The following NRDC variants were observed in gnomAD, a reference collection of about 807,000 sequenced individuals.
NRDC encodes nardilysin convertase.
In NRDC, 54 loss-of-function variants were observed where a neutral mutation model predicts 147.1. The observed-to-expected ratio is 0.37, with a 90% confidence interval of 0.29 to 0.46. The LOEUF is 0.46. Among genes scored for constraint, NRDC ranks in the 20% least tolerant of loss-of-function variants. The pLI is 1.00. For missense variants in NRDC, 1,082 were observed against 1,370.6 expected, an observed-to-expected ratio of 0.79 and a Z score of 3.33; for synonymous variants, 440 against 482.1, an observed-to-expected ratio of 0.91 and a Z score of 1.14.
intron 2 of NRDC, among the ~76,000 whole-genome samples, chr1:51,838,625 T>C (rs1681099320): frequency 6.6e-6 from 1 of 152,014 alleles, no homozygotes; most frequent in African/African-American, 2.4e-5. Flanking sequence ...ATTCTTGTTT[T>C]AAAACTGAGA....
At position 51,803,974 on chromosome 1, in the gene NRDC, A is replaced by G; in HGVS notation, c.2163-10T>C. ...ATCAAAGAGGACCACACTAAGAAGT[A>G]CAAAATGCAAATGGCATCTTTAATT... On this transcript the variant is annotated splice_polypyrimidine_tract_variant and intron_variant, in intron 19 of 30. Coordinates refer to ENST00000352171, the MANE Select transcript of NRDC (RefSeq NM_001101662.2). The G allele has an allele frequency of 6.4e-7, 1 of 1,561,716 alleles. No homozygotes were observed. Among genetic ancestry groups the G allele is most frequent in the Non-Finnish European group, 8.7e-7 (1 of 1,152,926 alleles).
chr1:51,854,803 T>G (rs1022270286), intron 1 of NRDC, among the ~76,000 whole-genome samples: 16 of 152,174 alleles, frequency 1.1e-4, no homozygotes, highest in African/African-American at 3.9e-4. Context: ...CACAAGAATG[T>G]TTGCTTCCCT....
intron 5 of NRDC, 151 bp from the exon 6 acceptor site, chr1:51,825,533 C>T: frequency 1.6e-6 from 1 of 644,670 alleles, no homozygotes; most frequent in Non-Finnish European, 2.7e-6. Context: ...ACTCAATGAT[C>T]CAGGCCTGGC....
At chr1:51,871,571 C>T (rs1683089561) in intron 1 of NRDC, among the ~76,000 whole-genome samples, 1 of 135,514 alleles carries the variant, frequency 7.4e-6, no homozygotes, top group Admixed American at 8.0e-5. Flanking sequence ...TTCCCAACTG[C>T]TCCTTTTCAA....
intron 1 of NRDC, chr1:51,862,248 T>TC (rs35291594): frequency 0.045 from 6,858 of 151,044 alleles, 192 homozygotes; most frequent in Middle Eastern, 0.065. Context: ...TATAGGGCTT[T>TC]CCCCCCCGCC....
At chr1:51,847,735 C>T (rs1458543424) in intron 1 of NRDC, among the ~76,000 whole-genome samples, 3 of 152,196 alleles carry the variant, frequency 2.0e-5, no homozygotes, top group Non-Finnish European at 2.9e-5. Flanking sequence ...CCCCGGTTCC[C>T]GCCCGTGCCT....
chr1:51,813,973 A>C, intron 14 of NRDC, 62 bp downstream of exon 14: 2 of 1,062,284 alleles, frequency 1.9e-6, no homozygotes, highest in Non-Finnish European at 2.9e-6. Context: ...AAGAGGAACA[A>C]TGTCTACACC....
intron 1 of NRDC, among the ~76,000 whole-genome samples, chr1:51,851,905 C>G (rs981968167): frequency 6.6e-6 from 1 of 152,158 alleles, no homozygotes. Context: ...GAATTCCCAG[C>G]CAAGGAACAC....
At chr1:51,806,977 T>C (rs1225036860) in intron 17 of NRDC, 64 bp from the exon 18 acceptor site, 12 of 1,572,040 alleles carry the variant, frequency 7.6e-6, no homozygotes, top group South Asian at 4.8e-5. Context: ...TAATCTGTTA[T>C]TGGCTTCAGA....
Position 51,794,863 on chromosome 1 carries a change from C to T in NRDC, c.2605-9G>A, listed in dbSNP as rs1244133002. 1 of 1,613,630 alleles carries T rather than the reference C, an allele frequency of 6.2e-7. No individual in the cohort carries two copies. Among genetic ancestry groups the T allele is most frequent in the African/African-American group, 1.3e-5 (1 of 74,876 alleles). On this transcript the variant is annotated splice_polypyrimidine_tract_variant and intron_variant, in intron 22 of 30. Coordinates refer to ENST00000352171, the MANE Select transcript of NRDC (RefSeq NM_001101662.2). ...AGGAAATCCATAGATTCCTAAGAGG[C>T]AAAAGAGAATAACTACATTAAGCTC...
chr1:51,845,724 T>A (rs950999762), intron 1 of NRDC, among the ~76,000 whole-genome samples: 3 of 152,248 alleles, frequency 2.0e-5, no homozygotes, highest in Non-Finnish European at 2.9e-5. Flanking sequence ...GCACCATTTA[T>A]CATTACTTGA....
chr1:51,790,443 C>T (rs1678560646), intron 29 of NRDC, 90 bp downstream of exon 29: 3 of 814,806 alleles, frequency 3.7e-6, no homozygotes, highest in Admixed American at 4.0e-5. Flanking sequence ...GTTTCTCTTC[C>T]ACACAATGCT....
At chr1:51,872,021 G>A (rs1027917350) in intron 1 of NRDC, among the ~76,000 whole-genome samples, 6 of 152,050 alleles carry the variant, frequency 3.9e-5, no homozygotes, top group Admixed American at 1.3e-4. Flanking sequence ...ACAGGCATCC[G>A]CCACCACACC....
chr1:51,799,907 A>G (rs1235497805), intron 21 of NRDC, among the ~76,000 whole-genome samples: 1 of 152,244 alleles, frequency 6.6e-6, no homozygotes, highest in East Asian at 1.9e-4. Flanking sequence ...TGACATGTTT[A>G]GCAATTTAAC....
At chr1:51,835,846 T>C (rs1277371269) in intron 3 of NRDC, among the ~76,000 whole-genome samples, 1 of 152,212 alleles carries the variant, frequency 6.6e-6, no homozygotes, top group Non-Finnish European at 1.5e-5. Context: ...GGTCATTTCC[T>C]AGAAAATGGC....
chr1:51,846,718 G>C (rs187052258), intron 1 of NRDC, among the ~76,000 whole-genome samples: 1 of 152,242 alleles, frequency 6.6e-6, no homozygotes, highest in Non-Finnish European at 1.5e-5. Flanking sequence ...CGCCAACAGC[G>C]ATGGAACTCG....
intron 1 of NRDC, among the ~76,000 whole-genome samples, chr1:51,845,616 G>T (rs932970007): frequency 6.6e-6 from 1 of 151,994 alleles, no homozygotes; most frequent in African/African-American, 2.4e-5. Flanking sequence ...GAAAAGAAAA[G>T]AAATGTCCCG....
At chr1:51,858,588 A>T (rs1405760715) in intron 1 of NRDC, among the ~76,000 whole-genome samples, 2 of 152,238 alleles carry the variant, frequency 1.3e-5, no homozygotes, top group Admixed American at 1.3e-4. Context: ...AAATAACGAT[A>T]TCCTGGATAA....
At chr1:51,860,067 T>C in intron 1 of NRDC, 1 of 186,908 alleles carries the variant, frequency 5.4e-6, no homozygotes, top group Non-Finnish European at 1.2e-5. Flanking sequence ...CATAGTGGTG[T>C]CCAATTATAT....
Sources: gnomAD v4.1 joint callset for allele counts (sites outside exome capture counted in the v4.1 genomes callset) on GRCh38, gnomAD v4.1.1 for gene constraint, MANE v1.5 for transcripts, NCBI Gene and HGNC (gene_info 2026-07-23, HGNC 2026-07-21) for gene names.